Variants in MAST1 observed in about 807,000 individuals in gnomAD.
MAST1 encodes microtubule-associated serine/threonine-protein kinase 1.
Under a neutral mutation model 124.6 loss-of-function variants are expected in MAST1, and 40 were observed. The observed-to-expected ratio is 0.32, with a 90% CI of 0.25 to 0.42. MAST1 has a LOEUF of 0.42. Ranked by LOEUF, MAST1 falls within the 10% of genes least tolerant of loss-of-function variation. The pLI is 1.00. For synonymous variants in MAST1, 938 were observed against 939.4 expected (o/e 1.00, Z 0.03); for missense variants, 1,558 against 2,181.9 (o/e 0.71, Z 5.70).
At chr19:12,852,660 G>A (rs1274574295) in intron 10 of MAST1, among the ~76,000 whole-genome samples, 2 of 146,620 alleles carry the variant, frequency 1.4e-5, no homozygotes, top group Non-Finnish European at 3.0e-5. Context: ...CCAACATGGA[G>A]AAACCCCGTT....
At position 12,838,704 on chromosome 19, in the gene MAST1, C is replaced by A; in HGVS notation, c.83+49C>A. On this transcript the variant is annotated intron_variant, in intron 1 of 25. Transcript: ENST00000251472. This position sits in a 1 kb window ranked among gnomAD's most constrained non-coding sequence, Gnocchi z 4.3. The stretch of plus-strand genomic sequence containing the variant: ...TTGTCCCGGCCCTCCCCGCAAAAGC[C>A]GCCGCTCCGGGTACTGCTGCAGGGC... 6.4e-7 allele frequency: 1 copy of A among 1,563,652 alleles called. No homozygotes were observed. Among genetic ancestry groups the A allele is most frequent in the Non-Finnish European group, 8.8e-7 (1 of 1,142,094 alleles).
intron 10 of MAST1, among the ~76,000 whole-genome samples, chr19:12,853,252 T>G (rs1969984032): frequency 6.7e-6 from 1 of 149,802 alleles, no homozygotes; most frequent in South Asian, 2.3e-4. Context: ...ATTACAGGCA[T>G]GAGCCACCGC....
chr19:12,844,105 A>G lies in MAST1; in HGVS notation c.327+498A>G, dbSNP rs148498908. On this transcript the variant is annotated intron_variant, in intron 4 of 25. Transcript: ENST00000251472. ...ATGGGTCCGCCCCACTCAGAGCCCA[A>G]TGCTCTGCCCTCAACACATTTCTGG... 7.2e-5 allele frequency among the ~76,000 whole-genome samples: 11 copies of G among 152,272 alleles called. No individual in the cohort carries two copies. In the East Asian group the frequency reaches 1.2e-3, roughly 16 times the overall value.
In MAST1 at chr19:12,868,743, C is replaced by G. The variant is rs1285144584; in HGVS notation, c.2667C>G (p.His889Gln). The G allele has an allele frequency of 6.2e-7, 1 of 1,613,096 alleles. No individual in the cohort carries two copies. Among genetic ancestry groups the G allele is most frequent in the Admixed American group, 1.7e-5 (1 of 59,854 alleles). Residue 889 changes from histidine to glutamine, a missense_variant, in exon 21 of 26, where the codon CAC (histidine) becomes CAG (glutamine). By Grantham distance (24) the His-to-Gln change is conservative. Around this residue, in one of 10 missense-constraint regions of MAST1, gnomAD observed 287 missense variants for 308.0 expected, o/e 0.93. Transcript: ENST00000251472. ...ACTTGGTTCTGCGCCGGGCGCGGCA[C>G]CAGCAGATGTCAGGGGATGTGGCAG... ...TNDLVLRRARHQQMSGDVAVE... is the reference protein window; with the variant it reads ...TNDLVLRRARQQQMSGDVAVE...
At position 12,847,889 on chromosome 19, in the gene MAST1, C is replaced by T. The variant is rs1361908423; in HGVS notation, c.606C>T (p.Arg202=). 2 of 1,613,504 alleles carry T rather than the reference C, an allele frequency of 1.2e-6. No homozygotes were observed. The highest frequency in any genetic ancestry group is 1.7e-6 in the Non-Finnish European group (2 of 1,179,798). ...AGGAGAAGCTGCGCGACTTTACCCGCGCCTACGAACCCGACAGCGTTCTGC... is the reference window on the plus strand; with the variant it reads ...AGGAGAAGCTGCGCGACTTTACCCGTGCCTACGAACCCGACAGCGTTCTGC... The part of the protein sequence containing the change: ...QMEEKLRDFT[R]AYEPDSVLPL... The change falls in exon 7 of 26, where the codon CGC becomes CGT. Residue 202 remains arginine, a synonymous_variant. Transcript: ENST00000251472. The surrounding 1 kb of genome is among the most constrained non-coding windows in gnomAD (Gnocchi z 5.5).
At chr19:12,842,484 G>T (rs996443448) in intron 3 of MAST1, among the ~76,000 whole-genome samples, 1 of 151,978 alleles carries the variant, frequency 6.6e-6, no homozygotes, top group Admixed American at 6.6e-5. Context: ...GTAGAGATGG[G>T]GTTTCACCAG....
In MAST1 at chr19:12,847,928, C is replaced by A. The variant is rs772301321; in HGVS notation, c.645C>A (p.Gly215=). Residue 215 remains glycine, a synonymous_variant, in exon 7 of 26, where the codon GGC becomes GGA. Transcript: ENST00000251472. This position sits in a 1 kb window ranked among gnomAD's most constrained non-coding sequence, Gnocchi z 5.5. ...EPDSVLPLAD[G]VLSFIHHQII... is the part of the protein sequence containing the mutation. ...ACAGCGTTCTGCCTCTGGCCGATGG[C>A]GTGCTCAGCTTCATCCACCACCAGA... 3.1e-6 allele frequency: 5 copies of A among 1,613,966 alleles called. No homozygotes were observed. In the South Asian group the frequency reaches 5.5e-5, roughly 18 times the overall value.
At chr19:12,840,958 C>G (rs768971344) in intron 2 of MAST1, 33 bp from the exon 3 acceptor site, 1 of 857,934 alleles carries the variant, frequency 1.2e-6, no homozygotes, top group African/African-American at 1.6e-5. Flanking sequence ...GAACGAGAGA[C>G]CTGACAGGAT....
In MAST1 at chr19:12,866,382, C is replaced by G. The variant is rs1221347316; in HGVS notation, c.2030-271C>G. On this transcript the variant is annotated intron_variant, in intron 17 of 25. Transcript: ENST00000251472. The surrounding 1 kb of genome is among the most constrained non-coding windows in gnomAD (Gnocchi z 5.2). ...CCTGGAACTGAACTAGAGAGAGGTA[C>G]TAGCGCTCAGAATGGCCTGGGGTGA... Among the ~76,000 whole-genome samples, 1 of 152,098 alleles carries G rather than the reference C, an allele frequency of 6.6e-6. No homozygotes were observed. The highest frequency in any genetic ancestry group is 1.5e-5 in the Non-Finnish European group (1 of 67,996).
In MAST1 at chr19:12,867,586, G is replaced by A; in HGVS notation, c.2252G>A (p.Gly751Asp). Residue 751 changes from glycine to aspartate, a missense_variant, in exon 19 of 26, where the codon GGC (glycine) becomes GAC (aspartate). Coordinates refer to ENST00000251472, the MANE Select transcript of MAST1 (RefSeq NM_014975.3). The stretch of plus-strand genomic sequence containing the variant: ...AAGGGCCCCGAGGAGAAGGTGGCCG[G>A]CAAGCGGGAGGGGCTGGGCGGCCTG... Reference protein sequence around the residue: ...STKGPEEKVAGKREGLGGLTL... With the variant: ...STKGPEEKVADKREGLGGLTL... The A allele has an allele frequency of 6.2e-7, 1 of 1,613,270 alleles. No individual in the cohort carries two copies. Among genetic ancestry groups the A allele is most frequent in the Non-Finnish European group, 8.5e-7 (1 of 1,179,698 alleles).
chr19:12,869,907 G>A (rs1970209750), intron 22 of MAST1, among the ~76,000 whole-genome samples: 1 of 151,704 alleles, frequency 6.6e-6, no homozygotes, highest in African/African-American at 2.4e-5. Context: ...ACAAAAATTG[G>A]GCCGAGCGCG....
intron 4 of MAST1, among the ~76,000 whole-genome samples, chr19:12,846,034 A>G (rs909427398): frequency 6.6e-6 from 1 of 152,054 alleles, no homozygotes; most frequent in Non-Finnish European, 1.5e-5. Flanking sequence ...CCTGGGCAAC[A>G]TAGAGAGACC....
Position 12,867,585 on chromosome 19 carries a change from G to C in MAST1, c.2251G>C (p.Gly751Arg). 6 of 1,613,284 alleles carry C rather than the reference G, an allele frequency of 3.7e-6. No individual in the cohort carries two copies. Among genetic ancestry groups the C allele is most frequent in the Non-Finnish European group, 5.1e-6 (6 of 1,179,720 alleles). The change falls in exon 19 of 26, where the codon GGC becomes CGC. Residue 751 changes from glycine to arginine, a missense_variant. Transcript: ENST00000251472. ...CAAGGGCCCCGAGGAGAAGGTGGCC[G>C]GCAAGCGGGAGGGGCTGGGCGGCCT... ...STKGPEEKVA[G>R]KREGLGGLTL...
At position 12,847,771 on chromosome 19, in the gene MAST1, CTCGGTG is replaced by C; in HGVS notation, c.565-76_565-71del. On this transcript the variant is annotated intron_variant, in intron 6 of 25. Transcript: ENST00000251472. The surrounding 1 kb of genome is among the most constrained non-coding windows in gnomAD (Gnocchi z 5.5). ...TTATCCCCGCGCGCCCCCTGGCGGC[CTCGGTG>C]CGCAGCGCAGGCTCCTGGCGGCCGC... is the stretch of plus-strand genomic sequence containing the variant. 6.3e-7 allele frequency: 1 copy of C among 1,584,210 alleles called. No homozygotes were observed. Among genetic ancestry groups the C allele is most frequent in the Non-Finnish European group, 8.6e-7 (1 of 1,162,236 alleles).
At chr19:12,855,200 C>G (rs1970004610) in intron 10 of MAST1, among the ~76,000 whole-genome samples, 1 of 152,076 alleles carries the variant, frequency 6.6e-6, no homozygotes, top group Non-Finnish European at 1.5e-5. Flanking sequence ...AACCACTGCA[C>G]TCCAGCCTGG....
rs1477446547 is a variant in MAST1 at position 12,840,247 on chromosome 19, A to G, written c.84-199A>G. On this transcript the variant is annotated intron_variant, in intron 1 of 25. Transcript: ENST00000251472. ...TCCATACTGAGAGTTTCTCACACACATGTCATATGCACATCCCCTGCCGTA... is the reference window on the plus strand; with the variant it reads ...TCCATACTGAGAGTTTCTCACACACGTGTCATATGCACATCCCCTGCCGTA... Among the ~76,000 whole-genome samples the G allele has an allele frequency of 3.9e-5, 6 of 152,146 alleles. No individual in the cohort carries two copies. In the East Asian group the frequency reaches 1.2e-3, roughly 29 times the overall value.
At chr19:12,852,578 C>T (rs1355170289) in intron 10 of MAST1, among the ~76,000 whole-genome samples, 183 bp downstream of exon 10, 5 of 152,028 alleles carry the variant, frequency 3.3e-5, no homozygotes, top group Non-Finnish European at 7.4e-5. Context: ...CTGGCTCATG[C>T]CTGTAATCCC....
chr19:12,874,569 C>T lies in MAST1; in HGVS notation c.4412C>T (p.Pro1471Leu). The T allele has an allele frequency of 6.6e-7, 1 of 1,506,396 alleles. No homozygotes were observed. The highest frequency in any genetic ancestry group is 8.8e-7 in the Non-Finnish European group (1 of 1,130,550). The allele number at this position is 1,506,396 out of a possible 1,614,324, so 93.3% of individuals were successfully genotyped here. ...CCCGCACCCCTGGCGCCTTCCGTGC[C>T]CGAGGCCCCCCGGGGCCGGGAGCGC... ...QEPAPLAPSV[P>L]EAPRGRERWV... The change falls in exon 26 of 26, where the codon CCC becomes CTC. Residue 1471 changes from proline to leucine, a missense_variant. By Grantham distance (98) the Pro-to-Leu change is moderately conservative. Around this residue, in one of 10 missense-constraint regions of MAST1, gnomAD observed 168 missense variants for 154.3 expected, o/e 1.09. Transcript: ENST00000251472. This position sits in a 1 kb window ranked among gnomAD's most constrained non-coding sequence, Gnocchi z 6.6.
rs907102763 is a variant in MAST1 at position 12,848,106 on chromosome 19, T to C, written c.774+49T>C. ...TGATCTCAGGCTCAGCACCGCCAGA[T>C]TGTGCCCAATGCACCCCTTTCTTCA... On this transcript the variant is annotated intron_variant, in intron 7 of 25. Transcript: ENST00000251472. 5.2e-6 allele frequency: 8 copies of C among 1,527,406 alleles called. No homozygotes were observed. The African/African-American group carries it at 5.5e-5, about 10-fold the overall frequency. 94.6% of individuals were successfully genotyped at this position (1,527,406 alleles called of 1,614,324 possible).
Sources: gnomAD v4.1 joint callset for allele counts (sites outside exome capture counted in the v4.1 genomes callset) on GRCh38, gnomAD v4.1.1 for gene constraint, gnomAD v4.1.1 regional missense constraint, Gnocchi (gnomAD v3.1) non-coding constraint, MANE v1.5 for transcripts, NCBI Gene and HGNC (gene_info 2026-07-23, HGNC 2026-07-21) for gene names.